The following MYOF variants were observed in gnomAD, a reference collection of about 807,000 sequenced individuals.
The protein encoded by MYOF is myoferlin.
Under a neutral mutation model 284.2 loss-of-function variants are expected in MYOF, and 244 were observed. The ratio of observed to expected loss-of-function variants is 0.86; its 90% CI spans 0.77 to 0.95. The LOEUF is 0.95. Among genes scored for constraint, MYOF ranks in the 40% least tolerant of loss-of-function variants. MYOF has a pLI of 0.00. For synonymous variants in MYOF, 904 were observed against 919.7 expected (o/e 0.98, Z 0.31); for missense variants, 2,496 against 2,560.6 (o/e 0.97, Z 0.54).
chr10:93,332,709 T>C (rs996460548), intron 43 of MYOF, among the ~76,000 whole-genome samples: 5 of 151,800 alleles, frequency 3.3e-5, no homozygotes, highest in Admixed American at 2.6e-4. Flanking sequence ...TAGCCGGGCG[T>C]GGTGGCAGTT....
In MYOF at chr10:93,343,994, C is replaced by T. The variant is rs748640917; in HGVS notation, c.4250-62G>A. On this transcript the variant is annotated intron_variant, in intron 37 of 53. Transcript: ENST00000359263. ...GAGAAATACAGTGGTGAACATTCTA[C>T]TCCAAGTTCAAGTTTAACAGCCATA... The T allele has an allele frequency of 5.6e-5, 88 of 1,582,710 alleles. 2 individuals are homozygous for T. The highest frequency in any genetic ancestry group is 6.9e-5 in the Non-Finnish European group (80 of 1,155,518).
intron 43 of MYOF, among the ~76,000 whole-genome samples, chr10:93,332,946 G>A (rs1843399754): frequency 6.6e-6 from 1 of 152,164 alleles, no homozygotes; most frequent in Non-Finnish European, 1.5e-5. Context: ...TGGGAGGGGG[G>A]TCCCCGGAAA....
chr10:93,393,661 C>G (rs1179354871), intron 16 of MYOF, among the ~76,000 whole-genome samples: 3 of 152,228 alleles, frequency 2.0e-5, no homozygotes, highest in African/African-American at 7.2e-5. Flanking sequence ...TACCCTCCCC[C>G]CATATAGTTC....
intron 1 of MYOF, among the ~76,000 whole-genome samples, chr10:93,464,667 T>A (rs10882237): frequency 0.4 from 60,443 of 151,998 alleles, 13,894 homozygotes; most frequent in South Asian, 0.55. Flanking sequence ...ATATATAATC[T>A]CTAAGTTTTC....
chr10:93,452,276 A>G, intron 2 of MYOF, 135 bp from the exon 3 acceptor site: 3 of 699,734 alleles, frequency 4.3e-6, no homozygotes, highest in Non-Finnish European at 7.5e-6. Flanking sequence ...TTATGCAGAA[A>G]TGATTAAATT....
At chr10:93,313,998 A>G (rs1223973050) in intron 50 of MYOF, among the ~76,000 whole-genome samples, 2 of 152,222 alleles carry the variant, frequency 1.3e-5, no homozygotes, top group African/African-American at 4.8e-5. Flanking sequence ...CTTGAGAAGG[A>G]ACATGACTCA....
chr10:93,340,883 C>T (rs993688234), intron 38 of MYOF, among the ~76,000 whole-genome samples: 1 of 152,130 alleles, frequency 6.6e-6, no homozygotes, highest in Non-Finnish European at 1.5e-5. Flanking sequence ...CCAAGCTCGT[C>T]CTCAGCAGCA....
In MYOF at chr10:93,353,774, G is replaced by A. The variant is rs751961295; in HGVS notation, c.3481+37C>T. On this transcript the variant is annotated intron_variant, in intron 32 of 53. Transcript: ENST00000359263. ...ACACAGAAGCAAAATAGCATGCTAT[G>A]TAATCATGTGTAGCATGTAGATTTT... 1.3e-5 allele frequency: 19 copies of A among 1,483,174 alleles called. No homozygotes were observed. The East Asian group carries it at 3.7e-4, about 29-fold the overall frequency. The allele number at this position is 1,483,174 out of a possible 1,614,324, so 91.9% of individuals were successfully genotyped here. A position where few individuals can be genotyped will look rare whatever the true frequency, so the allele number is the denominator to read the frequency against.
chr10:93,440,738 C>T (rs928860510), intron 3 of MYOF, among the ~76,000 whole-genome samples: 1 of 152,182 alleles, frequency 6.6e-6, no homozygotes, highest in African/African-American at 2.4e-5. Flanking sequence ...GTAAATCTTC[C>T]TGTCCTAAGA....
intron 1 of MYOF, among the ~76,000 whole-genome samples, chr10:93,462,637 A>C (rs2056910483): frequency 6.6e-6 from 1 of 151,948 alleles, no homozygotes; most frequent in Admixed American, 6.6e-5. Flanking sequence ...TTCTGGAGAA[A>C]CCCAGCTCAA....
At chr10:93,401,792 C>CGTGTGTGTGTGT (rs57326000) in intron 11 of MYOF, among the ~76,000 whole-genome samples, 14 of 94,496 alleles carry the variant, frequency 1.5e-4, no homozygotes, top group Middle Eastern at 0.013. Context: ...AGAGCCTGTG[C>CGTGTGTGTGTGT]GTGTGTGTGT....
chr10:93,476,747 A>T (rs557583189), intron 1 of MYOF, among the ~76,000 whole-genome samples: 2 of 152,178 alleles, frequency 1.3e-5, no homozygotes, highest in African/African-American at 4.8e-5. Flanking sequence ...TTTGCTCAAG[A>T]CTACAAAGTT....
intron 7 of MYOF, among the ~76,000 whole-genome samples, chr10:93,406,950 G>T (rs1847625273): frequency 6.6e-6 from 1 of 152,152 alleles, no homozygotes; most frequent in Non-Finnish European, 1.5e-5. Context: ...GGAGACATAG[G>T]CCTGAGGAAT....
intron 51 of MYOF, among the ~76,000 whole-genome samples, chr10:93,312,401 A>G (rs946150863): frequency 1.3e-5 from 2 of 152,022 alleles, no homozygotes; most frequent in African/African-American, 4.8e-5. Flanking sequence ...GCTGGAGTAC[A>G]GTGGCACGAT....
Position 93,333,400 on chromosome 10 carries a change from C to T in MYOF, c.4720-88G>A. The T allele has an allele frequency of 3.6e-6, 4 of 1,119,548 alleles. No homozygotes were observed. The South Asian group carries it at 5.0e-5, about 14-fold the overall frequency. The allele number at this position is 1,119,548 out of a possible 1,614,324, so 69.4% of individuals were successfully genotyped here. A position where few individuals can be genotyped will look rare whatever the true frequency, so the allele number is the denominator to read the frequency against. The stretch of plus-strand genomic sequence containing the variant: ...GGACAGACTCAGCTCGCCTCCACAC[C>T]CACTCCCAGCTGATGACAAGGTGGC... On this transcript the variant is annotated intron_variant, in intron 42 of 53. Transcript: ENST00000359263.
intron 3 of MYOF, among the ~76,000 whole-genome samples, chr10:93,450,580 A>G (rs934085293): frequency 6.6e-5 from 10 of 152,082 alleles, no homozygotes; most frequent in African/African-American, 2.2e-4. Flanking sequence ...TCTCAAAAAC[A>G]AAAAATAATA....
chr10:93,374,613 CCA>C (rs2133976593), intron 23 of MYOF, 148 bp downstream of exon 23: 1 of 716,098 alleles, frequency 1.4e-6, no homozygotes, highest in East Asian at 2.9e-5. Flanking sequence ...CATCCTCAGC[CCA>C]GTTACTCCCT....
At chr10:93,351,121 AT>A in intron 35 of MYOF, 75 bp downstream of exon 35, 1 of 1,441,790 alleles carries the variant, frequency 6.9e-7, no homozygotes, top group Admixed American at 1.8e-5. Context: ...GCAGGATTCT[AT>A]GTTCTATACA....
rs1842629533 is a variant in MYOF at position 93,316,774 on chromosome 10, G to A, written c.5638C>T (p.Pro1880Ser). 3 of 1,613,664 alleles carry A rather than the reference G, an allele frequency of 1.9e-6. No homozygotes were observed. The highest frequency in any genetic ancestry group is 1.7e-6 in the Non-Finnish European group (2 of 1,179,900). Residue 1880 changes from proline to serine, a missense_variant, in exon 50 of 54, where the codon CCA becomes TCA. By Grantham distance (74) the Pro-to-Ser change is moderately conservative. Coordinates refer to ENST00000359263, the MANE Select transcript of MYOF (RefSeq NM_013451.4). Reference protein sequence around the residue: ...WSIDQTEFRIPPRLIIQIWDN... With the variant: ...WSIDQTEFRISPRLIIQIWDN... ...CATATCTGAATGATCAGCCTGGGTGGGATTCGAAATTCCGTTTGGTCAATA... is the reference window on the plus strand; with the variant it reads ...CATATCTGAATGATCAGCCTGGGTGAGATTCGAAATTCCGTTTGGTCAATA...
Sources: gnomAD v4.1 joint callset for allele counts (sites outside exome capture counted in the v4.1 genomes callset) on GRCh38, gnomAD v4.1.1 for gene constraint, MANE v1.5 for transcripts, NCBI Gene and HGNC (gene_info 2026-07-23, HGNC 2026-07-21) for gene names.